ARHGAP21: variants seen among roughly 807,000 people sequenced by gnomAD.
The protein encoded by ARHGAP21 is rho GTPase-activating protein 21.
A neutral mutation model predicts 164.6 loss-of-function variants in ARHGAP21; 38 were observed. The observed-to-expected ratio is 0.23, with a 90% confidence interval of 0.18 to 0.30. The LOEUF (loss-of-function observed/expected upper bound fraction) is 0.30, where lower values mean the gene tolerates loss of function less well. Ranked by LOEUF, ARHGAP21 falls within the 10% of genes least tolerant of loss-of-function variation. The pLI, the probability that ARHGAP21 is intolerant of heterozygous loss-of-function variation, is 1.00. For synonymous variants in ARHGAP21, 766 were observed against 857.9 expected (o/e 0.89, Z 1.87); for missense variants, 1,822 against 2,370.7 (o/e 0.77, Z 4.81).
intron 6 of ARHGAP21, 67 bp from the exon 7 acceptor site, chr10:24,630,117 C>T (rs974048476): frequency 1.3e-6 from 1 of 787,902 alleles, no homozygotes; most frequent in Non-Finnish European, 2.0e-6. Context: ...AATGGAAAAA[C>T]AGTTAACTCA....
intron 9 of ARHGAP21, among the ~76,000 whole-genome samples, chr10:24,616,979 GTA>G (rs1255641472): frequency 3.3e-5 from 5 of 152,104 alleles, no homozygotes; most frequent in Non-Finnish European, 5.9e-5. Context: ...TGCAACCTTA[GTA>G]TATAGCAGGG....
chr10:24,596,954 CA>C, intron 16 of ARHGAP21, 72 bp from the exon 17 acceptor site: 1 of 1,481,672 alleles, frequency 6.7e-7, no homozygotes, highest in Non-Finnish European at 9.1e-7. Context: ...ACTTTAAAAA[CA>C]CTTTATCAAT....
chr10:24,716,215 T>G (rs896375622), intron 2 of ARHGAP21, among the ~76,000 whole-genome samples: 1 of 152,210 alleles, frequency 6.6e-6, no homozygotes, highest in Non-Finnish European at 1.5e-5. Flanking sequence ...CTAGATATAT[T>G]ACCTGTCTCA....
At chr10:24,592,057 G>C in intron 21 of ARHGAP21, 45 bp from the exon 22 acceptor site, 1 of 1,458,374 alleles carries the variant, frequency 6.9e-7, no homozygotes, top group Non-Finnish European at 9.1e-7. Flanking sequence ...TTTTTCTTAA[G>C]GAAGTAGGCT....
At chr10:24,596,640 T>C (rs1419782064) in intron 17 of ARHGAP21, 100 bp downstream of exon 17, 6 of 1,507,628 alleles carry the variant, frequency 4.0e-6, no homozygotes, top group Middle Eastern at 2.2e-4. Flanking sequence ...GGAAAACAGA[T>C]TGACAGTCTC....
At chr10:24,646,876 T>C (rs1837622714) in intron 4 of ARHGAP21, among the ~76,000 whole-genome samples, 1 of 152,128 alleles carries the variant, frequency 6.6e-6, no homozygotes, top group African/African-American at 2.4e-5. Context: ...AAAAATTAAT[T>C]TAGAAAAAAA....
intron 2 of ARHGAP21, among the ~76,000 whole-genome samples, chr10:24,707,543 CT>C (rs1844361717): frequency 6.6e-6 from 1 of 152,186 alleles, no homozygotes; most frequent in Non-Finnish European, 1.5e-5. Flanking sequence ...TGACTAAACA[CT>C]TGCTAAGCAC....
chr10:24,691,634 C>T (rs573117113), intron 2 of ARHGAP21, among the ~76,000 whole-genome samples: 1 of 152,318 alleles, frequency 6.6e-6, no homozygotes, highest in African/African-American at 2.4e-5. Context: ...TTATTTTAAT[C>T]ACTTCATAAT....
chr10:24,599,550 T>C (rs772288110), intron 14 of ARHGAP21, among the ~76,000 whole-genome samples: 1 of 152,218 alleles, frequency 6.6e-6, no homozygotes, highest in Non-Finnish European at 1.5e-5. Flanking sequence ...ATAATTTGCA[T>C]AAGTTTACAT....
intron 6 of ARHGAP21, among the ~76,000 whole-genome samples, chr10:24,632,428 AT>A (rs1835934673): frequency 6.6e-6 from 1 of 152,222 alleles, no homozygotes; most frequent in Non-Finnish European, 1.5e-5. Flanking sequence ...ATTAGAGGCA[AT>A]ATTCAAGAGT....
intron 4 of ARHGAP21, among the ~76,000 whole-genome samples, chr10:24,643,556 T>C (rs972626226): frequency 2.0e-5 from 3 of 152,180 alleles, no homozygotes; most frequent in African/African-American, 7.2e-5. Flanking sequence ...TATACTAAAA[T>C]TGGAACAGAA....
chr10:24,596,560 G>C, intron 17 of ARHGAP21, 180 bp downstream of exon 17: 1 of 719,310 alleles, frequency 1.4e-6, no homozygotes, highest in Non-Finnish European at 2.2e-6. Flanking sequence ...TTCAATTTCG[G>C]AGTCAATACA....
chr10:24,593,415 A>C (rs1435255910), intron 21 of ARHGAP21, among the ~76,000 whole-genome samples: 1 of 152,156 alleles, frequency 6.6e-6, no homozygotes, highest in Non-Finnish European at 1.5e-5. Flanking sequence ...CTTATGTAAA[A>C]TTTTTACTAG....
chr10:24,678,746 TG>T (rs1841504694), intron 2 of ARHGAP21, among the ~76,000 whole-genome samples: 1 of 152,198 alleles, frequency 6.6e-6, no homozygotes, highest in South Asian at 2.1e-4. Context: ...TTGCCCAGGC[TG>T]GCCTCAAACT....
At chr10:24,685,370 G>A (rs1220079552) in intron 2 of ARHGAP21, among the ~76,000 whole-genome samples, 1 of 152,030 alleles carries the variant, frequency 6.6e-6, no homozygotes, top group Non-Finnish European at 1.5e-5. Context: ...TAAGCATTTG[G>A]CCCCTACTCT....
chr10:24,673,262 G>T (rs1593245565), intron 2 of ARHGAP21, among the ~76,000 whole-genome samples: 1 of 152,088 alleles, frequency 6.6e-6, no homozygotes, highest in Admixed American at 6.6e-5. Flanking sequence ...GAACAAAGTT[G>T]GAACACTCAG....
intron 2 of ARHGAP21, among the ~76,000 whole-genome samples, chr10:24,698,503 G>A (rs1843371706): frequency 6.6e-6 from 1 of 152,164 alleles, no homozygotes; most frequent in Admixed American, 6.6e-5. Context: ...TCATCAAGAA[G>A]CCAAGACAGA....
chr10:24,687,857 T>C (rs1353721864), intron 2 of ARHGAP21, among the ~76,000 whole-genome samples: 1 of 152,200 alleles, frequency 6.6e-6, no homozygotes, highest in Non-Finnish European at 1.5e-5. Context: ...GTCAGACACA[T>C]ATCATGTGGT....
At chr10:24,690,906 A>G (rs1842717847) in intron 2 of ARHGAP21, among the ~76,000 whole-genome samples, 1 of 151,676 alleles carries the variant, frequency 6.6e-6, no homozygotes, top group Non-Finnish European at 1.5e-5. Context: ...ACACACACAC[A>G]TATAAAACAT....
Sources: gnomAD v4.1 joint callset for allele counts (sites outside exome capture counted in the v4.1 genomes callset) on GRCh38, gnomAD v4.1.1 for gene constraint, MANE v1.5 for transcripts, NCBI Gene and HGNC (gene_info 2026-07-23, HGNC 2026-07-21) for gene names.